The following KCNB2 variants were observed in gnomAD, a reference collection of about 807,000 sequenced individuals.
KCNB2 encodes delayed rectifier potassium channel protein.
Under a neutral mutation model 61.5 loss-of-function variants are expected in KCNB2, and 15 were observed. The observed-to-expected ratio is 0.24, with a 90% confidence interval of 0.16 to 0.38. The LOEUF is 0.38. KCNB2 is among the 10% of genes least tolerant of loss of function. The pLI is 1.00. For synonymous variants in KCNB2, 457 were observed against 446.0 expected (o/e 1.02, Z -0.31); for missense variants, 828 against 1,125.2 (o/e 0.74, Z 3.78).
chr8:72,851,495 AT>A (rs1810106941), intron 2 of KCNB2, among the ~76,000 whole-genome samples: 1 of 152,188 alleles, frequency 6.6e-6, no homozygotes, highest in African/African-American at 2.4e-5. Context: ...AGAATTGGAC[AT>A]GGGTACCAGA....
At chr8:72,725,679 T>C (rs1172523375) in intron 2 of KCNB2, among the ~76,000 whole-genome samples, 1 of 149,188 alleles carries the variant, frequency 6.7e-6, no homozygotes, top group African/African-American at 2.5e-5. Context: ...CTGCCTCAGC[T>C]CTCATCGTTT....
chr8:72,926,107 G>C (rs957151609), intron 2 of KCNB2, among the ~76,000 whole-genome samples: 1 of 152,268 alleles, frequency 6.6e-6, no homozygotes, highest in South Asian at 2.1e-4. Flanking sequence ...GCTGGGGGTT[G>C]GGGGAGGGAG....
chr8:72,647,488 C>T (rs1029883068), intron 2 of KCNB2, among the ~76,000 whole-genome samples: 6 of 152,090 alleles, frequency 3.9e-5, no homozygotes, highest in Non-Finnish European at 7.4e-5. Context: ...GACACCTACT[C>T]AGAGTTATAA....
At chr8:72,814,320 T>C (rs1376823785) in intron 2 of KCNB2, among the ~76,000 whole-genome samples, 1 of 152,214 alleles carries the variant, frequency 6.6e-6, no homozygotes, top group African/African-American at 2.4e-5. Flanking sequence ...TTCTTGTTCA[T>C]GATTTTTTGT....
At chr8:72,674,282 G>A (rs1050575631) in intron 2 of KCNB2, among the ~76,000 whole-genome samples, 23 of 152,266 alleles carry the variant, frequency 1.5e-4, no homozygotes, top group African/African-American at 5.5e-4. Flanking sequence ...AAACATCTTG[G>A]AGTTCAAAGT....
At chr8:72,685,711 C>T (rs545153712) in intron 2 of KCNB2, among the ~76,000 whole-genome samples, 3 of 152,206 alleles carry the variant, frequency 2.0e-5, no homozygotes, top group South Asian at 2.1e-4. Flanking sequence ...AGGTCCAGGC[C>T]GGGTGCAGTG....
Position 72,568,256 on chromosome 8 carries a change from T to A in KCNB2, c.522T>A (p.Asp174Glu). ...AGTTTGATAATACCTGCTGCCCTGA[T>A]AAAAGGAAGAAACTGTGGGACTTGC... is the stretch of plus-strand genomic sequence containing the variant. ...GEEFDNTCCP[D>E]KRKKLWDLLE... Residue 174 changes from aspartate (D) to glutamate (E), a missense_variant, in exon 2 of 3, where the codon GAT becomes GAA. Asp to Glu is a conservative substitution (Grantham distance 45). Coordinates refer to ENST00000523207, the MANE Select transcript of KCNB2 (RefSeq NM_004770.3). 2.5e-6 allele frequency: 4 copies of A among 1,613,802 alleles called. No individual in the cohort carries two copies. Among genetic ancestry groups the A allele is most frequent in the Non-Finnish European group, 3.4e-6 (4 of 1,179,938 alleles).
intron 2 of KCNB2, among the ~76,000 whole-genome samples, chr8:72,845,555 G>T (rs906350084): frequency 6.6e-6 from 1 of 152,202 alleles, no homozygotes; most frequent in Admixed American, 6.5e-5. Context: ...CCTTCCCCCA[G>T]GTGCTCTGTC....
chr8:72,609,879 G>A (rs997758906), intron 2 of KCNB2, among the ~76,000 whole-genome samples: 1 of 152,148 alleles, frequency 6.6e-6, no homozygotes, highest in Non-Finnish European at 1.5e-5. Context: ...GACCCAGGAC[G>A]TCGTTACGTT....
intron 2 of KCNB2, among the ~76,000 whole-genome samples, chr8:72,914,439 C>T (rs1400558875): frequency 6.6e-6 from 1 of 152,152 alleles, no homozygotes; most frequent in Non-Finnish European, 1.5e-5. Flanking sequence ...TTCTAAATTT[C>T]CTAGCCATGC....
intron 2 of KCNB2, among the ~76,000 whole-genome samples, chr8:72,933,386 G>T (rs1402456627): frequency 6.6e-6 from 1 of 152,224 alleles, no homozygotes; most frequent in Non-Finnish European, 1.5e-5. Flanking sequence ...GAAGGCAATA[G>T]AATGGATTCA....
chr8:72,824,143 G>A (rs1809557753), intron 2 of KCNB2, among the ~76,000 whole-genome samples: 1 of 152,128 alleles, frequency 6.6e-6, no homozygotes, highest in South Asian at 2.1e-4. Flanking sequence ...CAAAGTATTA[G>A]TCAAAACTTG....
chr8:72,853,951 C>T (rs912161171), intron 2 of KCNB2, among the ~76,000 whole-genome samples: 4 of 152,084 alleles, frequency 2.6e-5, no homozygotes, highest in African/African-American at 9.7e-5. Context: ...TCTTATCTAC[C>T]CTCCTCACTA....
intron 2 of KCNB2, among the ~76,000 whole-genome samples, chr8:72,609,435 C>T (rs1327553634): frequency 6.6e-6 from 1 of 152,066 alleles, no homozygotes; most frequent in African/African-American, 2.4e-5. Context: ...TTACATTTAA[C>T]CATAGAAGAA....
At chr8:72,550,223 GT>G (rs1320298612) in intron 1 of KCNB2, among the ~76,000 whole-genome samples, 3 of 152,152 alleles carry the variant, frequency 2.0e-5, no homozygotes, top group Non-Finnish European at 4.4e-5. Flanking sequence ...AGCCCATTAT[GT>G]TTTTTTCTGA....
At chr8:72,561,725 A>ATATC (rs1554576119) in intron 1 of KCNB2, among the ~76,000 whole-genome samples, 1 of 28,358 alleles carries the variant, frequency 3.5e-5, no homozygotes, top group African/African-American at 2.2e-4. Flanking sequence ...ATATATATAT[A>ATATC]TATCTATATC....
intron 2 of KCNB2, among the ~76,000 whole-genome samples, chr8:72,717,097 A>C (rs949816132): frequency 1.3e-5 from 2 of 152,162 alleles, no homozygotes; most frequent in Non-Finnish European, 2.9e-5. Flanking sequence ...TAGGAATCCA[A>C]CTTACAAGGG....
intron 2 of KCNB2, among the ~76,000 whole-genome samples, chr8:72,613,138 G>A (rs1805565625): frequency 6.6e-6 from 1 of 152,114 alleles, no homozygotes; most frequent in African/African-American, 2.4e-5. Flanking sequence ...TCATTATTGT[G>A]TTTTCCACAC....
intron 2 of KCNB2, among the ~76,000 whole-genome samples, chr8:72,727,459 G>A (rs925541196): frequency 6.6e-6 from 1 of 152,126 alleles, no homozygotes. Flanking sequence ...TAACTTTACT[G>A]CAGTGTTATA....
Sources: allele counts gnomAD v4.1 joint callset (sites outside exome capture counted in the v4.1 genomes callset), GRCh38; gene constraint gnomAD v4.1.1; transcripts MANE v1.5; gene names NCBI Gene and HGNC (gene_info 2026-07-23, HGNC 2026-07-21).